The following BCAS3 variants were observed in gnomAD, a reference collection of about 807,000 sequenced individuals.
BCAS3 encodes BCAS4/BCAS3 fusion.
Under a neutral mutation model 116.1 loss-of-function variants are expected in BCAS3, and 53 were observed. That is an observed-to-expected ratio of 0.46 (90% CI 0.37 to 0.57). The LOEUF is 0.57. Among genes scored for constraint, BCAS3 ranks in the 20% least tolerant of loss-of-function variants. The pLI, the probability that BCAS3 is intolerant of heterozygous loss-of-function variation, is 0.00. For synonymous variants in BCAS3, 391 were observed against 408.2 expected (o/e 0.96, Z 0.51); for missense variants, 917 against 1,165.4 (o/e 0.79, Z 3.10).
At chr17:61,046,023 TTATATATATATTTA>T (rs2068210248) in intron 19 of BCAS3, among the ~76,000 whole-genome samples, 2 of 11,430 alleles carry the variant, frequency 1.7e-4, no homozygotes, top group African/African-American at 1.7e-3. Flanking sequence ...TATATATATA[TTATATATATATTTA>T]TATATATATA....
intron 12 of BCAS3, among the ~76,000 whole-genome samples, chr17:60,917,972 T>C (rs1167797249): frequency 6.6e-6 from 1 of 152,216 alleles, no homozygotes; most frequent in Non-Finnish European, 1.5e-5. Flanking sequence ...GTAATACTTT[T>C]GGTTATGTAC....
chr17:61,049,694 A>G (rs1443651405), intron 19 of BCAS3, among the ~76,000 whole-genome samples: 1 of 151,332 alleles, frequency 6.6e-6, no homozygotes, highest in Non-Finnish European at 1.5e-5. Flanking sequence ...CAAGGAGCAA[A>G]GATAAGCAGA....
At chr17:61,253,407 A>G (rs9901337) in intron 22 of BCAS3, among the ~76,000 whole-genome samples, 104,514 of 151,352 alleles carry the variant, frequency 0.69, 37,106 homozygotes, top group East Asian at 0.82. Context: ...AAGGATTGAT[A>G]GAATAAACAT....
chr17:60,704,930 T>C (rs560093053), intron 4 of BCAS3, among the ~76,000 whole-genome samples: 4 of 152,196 alleles, frequency 2.6e-5, no homozygotes, highest in Non-Finnish European at 5.9e-5. Flanking sequence ...AGTGGTCTAC[T>C]TGCCCCCAGA....
intron 9 of BCAS3, among the ~76,000 whole-genome samples, chr17:60,884,620 T>G (rs1235493544): frequency 7.0e-6 from 1 of 143,020 alleles, no homozygotes; most frequent in Non-Finnish European, 1.5e-5. Flanking sequence ...TTTGAATGCG[T>G]CCCAGAGATT....
chr17:60,906,227 T>G (rs2058180783), intron 11 of BCAS3, among the ~76,000 whole-genome samples: 1 of 152,234 alleles, frequency 6.6e-6, no homozygotes, highest in Non-Finnish European at 1.5e-5. Flanking sequence ...TCTTTTTAAC[T>G]CCTGTTATCA....
intron 5 of BCAS3, among the ~76,000 whole-genome samples, chr17:60,731,357 C>T (rs1395007724): frequency 8.5e-5 from 13 of 152,048 alleles, no homozygotes; most frequent in East Asian, 1.9e-4. Flanking sequence ...GGATTACAGG[C>T]GTGCGCCATT....
At chr17:60,722,104 CT>C (rs2144099946) in intron 5 of BCAS3, among the ~76,000 whole-genome samples, 1 of 152,146 alleles carries the variant, frequency 6.6e-6, no homozygotes, top group South Asian at 2.1e-4. Flanking sequence ...CATTATATGA[CT>C]GATAGACATT....
chr17:61,065,051 T>G lies in BCAS3; in HGVS notation c.2030-9869T>G, dbSNP rs1248189412. On this transcript the variant is annotated intron_variant, in intron 19 of 23. Transcript: ENST00000407086. This position sits in a 1 kb window ranked among gnomAD's most constrained non-coding sequence, Gnocchi z 4.8. ...TACTACCCATTTTCAAGTAGTTATG[T>G]GTGTTATTTTTAATCTGAAAGGGTT... Among the ~76,000 whole-genome samples, 1 of 152,232 alleles carries G rather than the reference T, an allele frequency of 6.6e-6. No homozygotes were observed. The highest frequency in any genetic ancestry group is 1.5e-5 in the Non-Finnish European group (1 of 68,036).
chr17:61,084,663 CTGTT>C lies in BCAS3; in HGVS notation c.2425+101_2425+104del. 1.9e-6 allele frequency: 2 copies of C among 1,047,784 alleles called. No individual in the cohort carries two copies. Among genetic ancestry groups the C allele is most frequent in the Non-Finnish European group, 2.9e-6 (2 of 697,032 alleles). 64.9% of individuals were successfully genotyped at this position (1,047,784 alleles called of 1,614,324 possible). ...GGATGACATTTATTTGCTTTCCTCT[CTGTT>C]TTTTTGTTTTGTGGTGTGTGTGCAT... On this transcript the variant is annotated intron_variant, in intron 22 of 23. Transcript: ENST00000407086. The surrounding 1 kb of genome is among the most constrained non-coding windows in gnomAD (Gnocchi z 5.5).
At position 60,910,716 on chromosome 17, in the gene BCAS3, T is replaced by C. The variant is rs1483971008; in HGVS notation, c.993+14T>C. The C allele has an allele frequency of 3.1e-6, 5 of 1,597,070 alleles. No homozygotes were observed. Among genetic ancestry groups the C allele is most frequent in the Admixed American group, 1.7e-5 (1 of 57,780 alleles). Reference sequence around the variant, plus strand: ...GGAGAGGGCCAGGTAAGAAGAACTTTTGGTGCGTACCATGTGTGTTACTTG... The same window carrying C: ...GGAGAGGGCCAGGTAAGAAGAACTTCTGGTGCGTACCATGTGTGTTACTTG... On this transcript the variant is annotated intron_variant, in intron 12 of 23. Transcript: ENST00000407086.
chr17:60,850,345 GTTTTTTTT>G (rs10573405), intron 7 of BCAS3, among the ~76,000 whole-genome samples: 3 of 37,734 alleles, frequency 8.0e-5, no homozygotes, highest in Admixed American at 5.6e-4. Context: ...TGGCACCACT[GTTTTTTTT>G]TTTTTTTTTT....
intron 5 of BCAS3, among the ~76,000 whole-genome samples, chr17:60,724,836 G>A (rs145485092): frequency 4.0e-4 from 60 of 151,542 alleles, no homozygotes; most frequent in African/African-American, 1.4e-3. Context: ...TGGGGTCAGG[G>A]TTATTTCTTT....
chr17:61,274,186 A>C, intron 22 of BCAS3, among the ~76,000 whole-genome samples: 1 of 143,104 alleles, frequency 7.0e-6, no homozygotes. Context: ...TTCAGTTCCC[A>C]CCTATGAGTG....
rs1224849398 is a variant in BCAS3 at position 61,315,993 on chromosome 17, C to T, written c.2426-52334C>T. On this transcript the variant is annotated intron_variant, in intron 22 of 23. Coordinates refer to ENST00000407086, the MANE Select transcript of BCAS3 (RefSeq NM_017679.5). This position sits in a 1 kb window ranked among gnomAD's most constrained non-coding sequence, Gnocchi z 5.3. ...CCTTTTCATGTGTGTTTTCCAGTGT[C>T]TAGGATAGTGACCATCTATAGCAGG... is the stretch of plus-strand genomic sequence containing the variant. 2.6e-5 allele frequency among the ~76,000 whole-genome samples: 4 copies of T among 152,176 alleles called. No homozygotes were observed. In the East Asian group the frequency reaches 7.7e-4, roughly 29 times the overall value.
chr17:61,123,489 C>A (rs1049609266), intron 22 of BCAS3, among the ~76,000 whole-genome samples: 1 of 152,110 alleles, frequency 6.6e-6, no homozygotes, highest in African/African-American at 2.4e-5. Context: ...ATACTATAGA[C>A]AAAGACCCTA....
At chr17:60,943,593 C>T (rs1054817265) in intron 13 of BCAS3, among the ~76,000 whole-genome samples, 1 of 152,084 alleles carries the variant, frequency 6.6e-6, no homozygotes, top group Non-Finnish European at 1.5e-5. Context: ...GAAAACTACA[C>T]ATGTCCACAA....
At chr17:60,755,962 G>A (rs1167493603) in intron 6 of BCAS3, among the ~76,000 whole-genome samples, 1 of 152,082 alleles carries the variant, frequency 6.6e-6, no homozygotes, top group East Asian at 1.9e-4. Flanking sequence ...GTTCTCTCTT[G>A]TAGCTACTTT....
At chr17:60,792,958 G>A (rs948322320) in intron 6 of BCAS3, among the ~76,000 whole-genome samples, 4 of 151,514 alleles carry the variant, frequency 2.6e-5, no homozygotes, top group African/African-American at 9.8e-5. Flanking sequence ...TAGTGTGACT[G>A]TGTTAGATAT....
Sources: gnomAD v4.1 joint callset for allele counts (sites outside exome capture counted in the v4.1 genomes callset) on GRCh38, gnomAD v4.1.1 for gene constraint, Gnocchi (gnomAD v3.1) non-coding constraint, MANE v1.5 for transcripts, NCBI Gene and HGNC (gene_info 2026-07-23, HGNC 2026-07-21) for gene names.